The following A1CF variants were observed in gnomAD, a reference collection of about 807,000 sequenced individuals.
A1CF encodes APOBEC-1 stimulating protein.
A1CF carries 48 observed loss-of-function variants against 68.9 expected under a neutral mutation model. That is an observed-to-expected ratio of 0.70 (90% CI 0.55 to 0.89). The LOEUF (loss-of-function observed/expected upper bound fraction) is 0.89, where lower values mean the gene tolerates loss of function less well. Ranked by LOEUF, A1CF falls within the 40% of genes least tolerant of loss-of-function variation. The pLI is 0.00. For synonymous variants in A1CF, 272 were observed against 260.4 expected, an observed-to-expected ratio of 1.04 and a Z score of -0.43; for missense variants, 653 against 718.9, an observed-to-expected ratio of 0.91 and a Z score of 1.05.
intron 1 of A1CF, among the ~76,000 whole-genome samples, chr10:50,869,705 A>G (rs1841160270): frequency 6.6e-6 from 1 of 152,130 alleles, no homozygotes; most frequent in African/African-American, 2.4e-5. Flanking sequence ...TTAGACAGAT[A>G]CTTGTGAAAT....
rs61524223 is a variant in A1CF, at chr10:50,832,867, G to GT, written c.604+3206dup. ...TTTGAGTGCAATGGTTAGGTACTAT[G>GT]TTTTTTTTTTTATTTTTAGAATCTC... is the stretch of plus-strand genomic sequence containing the variant. On this transcript the variant is annotated intron_variant, in intron 6 of 12. Transcript: ENST00000373997. Among the ~76,000 whole-genome samples, 457 of 147,358 alleles carry GT rather than the reference G, an allele frequency of 3.1e-3. 2 individuals carry two copies. The highest frequency in any genetic ancestry group is 7.1e-3 in the South Asian group (33 of 4,622).
chr10:50,819,292 G>A (rs10994600), intron 8 of A1CF, among the ~76,000 whole-genome samples: 46,801 of 151,882 alleles, frequency 0.31, 8,800 homozygotes, highest in Middle Eastern at 0.43. Context: ...TACCATGCTC[G>A]GCTAATTTTT....
At chr10:50,844,593 T>C (rs1374831526) in intron 3 of A1CF, among the ~76,000 whole-genome samples, 2 of 152,140 alleles carry the variant, frequency 1.3e-5, no homozygotes, top group African/African-American at 4.8e-5. Context: ...TATAGAACAA[T>C]AGAACTTACT....
At chr10:50,880,575 C>G (rs962646243) in intron 1 of A1CF, among the ~76,000 whole-genome samples, 2 of 152,164 alleles carry the variant, frequency 1.3e-5, no homozygotes, top group Non-Finnish European at 2.9e-5. Context: ...TGTGCCAACA[C>G]AGTTTTCCCC....
At chr10:50,846,839 A>G (rs1412646643) in intron 3 of A1CF, among the ~76,000 whole-genome samples, 2 of 152,144 alleles carry the variant, frequency 1.3e-5, no homozygotes, top group Non-Finnish European at 1.5e-5. Context: ...ATATTTTTTG[A>G]GACTGTAAAG....
At chr10:50,884,460 C>G (rs1173174795) in intron 1 of A1CF, among the ~76,000 whole-genome samples, 1 of 152,196 alleles carries the variant, frequency 6.6e-6, no homozygotes, top group Admixed American at 6.5e-5. Context: ...CAAAACCTTA[C>G]TGCTTTGACA....
At position 50,855,654 on chromosome 10, in the gene A1CF, C is replaced by T. The variant is rs372542709; in HGVS notation, c.99+4188G>A. ...AGTTGCTACATAAAAGCCTGGGTCACGTTATTAAGTAACTCACAAAATTCT... is the reference window on the plus strand; with the variant it reads ...AGTTGCTACATAAAAGCCTGGGTCATGTTATTAAGTAACTCACAAAATTCT... On this transcript the variant is annotated intron_variant, in intron 3 of 12. Transcript: ENST00000373997. Among the ~76,000 whole-genome samples, 55 of 152,048 alleles carry T rather than the reference C, an allele frequency of 3.6e-4. 2 individuals are homozygous for T. In the South Asian group the frequency reaches 9.9e-3, roughly 27 times the overall value.
At chr10:50,836,381 T>C in intron 5 of A1CF, 69 bp from the exon 6 acceptor site, 2 of 1,502,922 alleles carry the variant, frequency 1.3e-6, no homozygotes, top group Non-Finnish European at 1.8e-6. Context: ...TGTATGGCTG[T>C]GGGCCAAATG....
chr10:50,842,138 C>A, intron 4 of A1CF, 146 bp from the exon 5 acceptor site: 1 of 665,490 alleles, frequency 1.5e-6, no homozygotes. Flanking sequence ...CATTTGCATC[C>A]CATGTGGAAT....
intron 5 of A1CF, among the ~76,000 whole-genome samples, chr10:50,838,840 C>G (rs1371032767): frequency 5.9e-5 from 9 of 152,144 alleles, no homozygotes. Flanking sequence ...ATTCTACCCC[C>G]TAATTTTTAA....
intron 12 of A1CF, among the ~76,000 whole-genome samples, 157 bp downstream of exon 12, chr10:50,809,737 G>A (rs1428737624): frequency 6.6e-6 from 1 of 152,184 alleles, no homozygotes; most frequent in Admixed American, 6.5e-5. Flanking sequence ...GTGTTTTAAT[G>A]AGTCACTCAT....
intron 2 of A1CF, among the ~76,000 whole-genome samples, chr10:50,860,876 A>G (rs1840712827): frequency 6.6e-6 from 1 of 152,146 alleles, no homozygotes; most frequent in South Asian, 2.1e-4. Context: ...ACATACACAG[A>G]GGTGAAGGCT....
intron 5 of A1CF, among the ~76,000 whole-genome samples, chr10:50,838,693 G>C (rs1395722051): frequency 6.6e-6 from 1 of 152,172 alleles, no homozygotes; most frequent in African/African-American, 2.4e-5. Context: ...AGGTGGGTGA[G>C]AAATGGTGGA....
intron 7 of A1CF, chr10:50,822,604 A>C (rs1283446746): frequency 6.6e-6 from 1 of 152,234 alleles, no homozygotes; most frequent in Non-Finnish European, 1.5e-5. Flanking sequence ...TCCCTTCAAC[A>C]GTCGACCCTT....
At chr10:50,815,511 G>A (rs568325468) in intron 9 of A1CF, among the ~76,000 whole-genome samples, 163 of 152,258 alleles carry the variant, frequency 1.1e-3, no homozygotes, top group African/African-American at 3.0e-3. Context: ...CATCTCATAT[G>A]TCTGTTAGAT....
At chr10:50,836,338 T>A in intron 5 of A1CF, 26 bp from the exon 6 acceptor site, 3 of 1,600,110 alleles carry the variant, frequency 1.9e-6, no homozygotes, top group Non-Finnish European at 2.6e-6. Context: ...GGATTTTGAT[T>A]GATGAGAATC....
rs117328100 is a variant in A1CF, at chr10:50,846,032, A to G, written c.100-1910T>C. On this transcript the variant is annotated intron_variant, in intron 3 of 12. Transcript: ENST00000373997. ...AGCAAATTCTCTACTGCAATTTAAAATCCTTTCAATTTCCGATCATTTTAT... is the reference window on the plus strand; with the variant it reads ...AGCAAATTCTCTACTGCAATTTAAAGTCCTTTCAATTTCCGATCATTTTAT... Among the ~76,000 whole-genome samples the G allele has an allele frequency of 3.8e-3, 583 of 152,294 alleles. 1 individual carries two copies. Among genetic ancestry groups the G allele is most frequent in the Non-Finnish European group, 7.1e-3 (480 of 68,036 alleles).
intron 7 of A1CF, chr10:50,823,935 C>T (rs1018480860): frequency 3.9e-5 from 6 of 151,964 alleles, no homozygotes; most frequent in Non-Finnish European, 7.4e-5. Context: ...TGTTTGTTTC[C>T]AGAAATTTTT....
At chr10:50,833,477 G>C (rs144021519) in intron 6 of A1CF, among the ~76,000 whole-genome samples, 2,188 of 152,286 alleles carry the variant, frequency 0.014, 19 homozygotes, top group Non-Finnish European at 0.022. Flanking sequence ...GCTCAATAAA[G>C]GTGAGATTTC....
Sources: gnomAD v4.1 joint callset for allele counts (sites outside exome capture counted in the v4.1 genomes callset) on GRCh38, gnomAD v4.1.1 for gene constraint, MANE v1.5 for transcripts, NCBI Gene and HGNC (gene_info 2026-07-23, HGNC 2026-07-21) for gene names.